Variants in NHEJ1 observed in about 807,000 individuals in gnomAD.
NHEJ1 encodes non-homologous end-joining factor 1.
Under a neutral mutation model 39.4 loss-of-function variants are expected in NHEJ1, and 22 were observed. The observed-to-expected ratio is 0.56, with a 90% CI of 0.40 to 0.80. The LOEUF is 0.80. Ranked by LOEUF, NHEJ1 falls within the 30% of genes least tolerant of loss-of-function variation. NHEJ1 has a pLI of 0.00. For missense variants in NHEJ1, 329 were observed against 357.1 expected, an observed-to-expected ratio of 0.92 and a Z score of 0.63; for synonymous variants, 154 against 135.6, an observed-to-expected ratio of 1.14 and a Z score of -0.94.
At chr2:219,089,976 G>A (rs1949146665) in intron 5 of NHEJ1, among the ~76,000 whole-genome samples, 1 of 152,178 alleles carries the variant, frequency 6.6e-6, no homozygotes, top group African/African-American at 2.4e-5. Flanking sequence ...ACAGGATCTA[G>A]AGTCAGACAG....
intron 5 of NHEJ1, among the ~76,000 whole-genome samples, chr2:219,088,350 C>A (rs1574704902): frequency 6.6e-6 from 1 of 152,012 alleles, no homozygotes; most frequent in East Asian, 1.9e-4. Flanking sequence ...TATTTCGGGC[C>A]AGGTGAGTGG....
rs1438391180 is a variant in NHEJ1 at position 219,094,691 on chromosome 2, T to C, written c.589-16485A>G. Among the ~76,000 whole-genome samples the C allele has an allele frequency of 3.3e-5, 5 of 152,066 alleles. No individual in the cohort carries two copies. The East Asian group carries it at 9.6e-4, about 29-fold the overall frequency. ...ATTTAGCATTTCCTAACTGATAATC[T>C]CTCCACTTCCTTGCAGGAAGTTATA... On this transcript the variant is annotated intron_variant, in intron 5 of 7. Coordinates refer to ENST00000356853, the MANE Select transcript of NHEJ1 (RefSeq NM_024782.3).
At chr2:219,147,833 T>C (rs779859313) in intron 3 of NHEJ1, 38 bp from the exon 4 acceptor site, 21 of 1,609,610 alleles carry the variant, frequency 1.3e-5, no homozygotes, top group African/African-American at 1.2e-4. Flanking sequence ...AAAAGACTCT[T>C]ATAAAGTACT....
At chr2:219,085,882 A>G (rs1204724653) in intron 5 of NHEJ1, among the ~76,000 whole-genome samples, 1 of 152,156 alleles carries the variant, frequency 6.6e-6, no homozygotes, top group East Asian at 1.9e-4. Flanking sequence ...ACGATGCTGG[A>G]CATGCAATGG....
At chr2:219,108,490 G>C (rs1244656207) in intron 5 of NHEJ1, among the ~76,000 whole-genome samples, 2 of 152,108 alleles carry the variant, frequency 1.3e-5, no homozygotes, top group African/African-American at 2.4e-5. Flanking sequence ...CTATTTGTTA[G>C]ATTATCTGTC....
chr2:219,097,675 G>T (rs1402048372), intron 5 of NHEJ1, among the ~76,000 whole-genome samples: 1 of 152,172 alleles, frequency 6.6e-6, no homozygotes, highest in Non-Finnish European at 1.5e-5. Context: ...GGCTTGATGT[G>T]GGGGTTGGGG....
At chr2:219,145,442 C>T (rs1181505843) in intron 5 of NHEJ1, among the ~76,000 whole-genome samples, 3 of 152,156 alleles carry the variant, frequency 2.0e-5, no homozygotes, top group Non-Finnish European at 4.4e-5. Context: ...AGAATACCTG[C>T]TTTATGCCTA....
At chr2:219,117,569 C>G (rs552788184) in intron 5 of NHEJ1, among the ~76,000 whole-genome samples, 1 of 152,338 alleles carries the variant, frequency 6.6e-6, no homozygotes, top group South Asian at 2.1e-4. Flanking sequence ...TTCAGAGAAC[C>G]ATGTGGAAAT....
intron 5 of NHEJ1, among the ~76,000 whole-genome samples, chr2:219,113,192 T>C (rs993991048): frequency 6.6e-6 from 1 of 152,224 alleles, no homozygotes; most frequent in Non-Finnish European, 1.5e-5. Flanking sequence ...TTACAGTTTA[T>C]ATTGTTAAAC....
intron 5 of NHEJ1, among the ~76,000 whole-genome samples, chr2:219,088,406 T>C (rs1481441975): frequency 2.6e-5 from 4 of 152,068 alleles, no homozygotes; most frequent in African/African-American, 4.8e-5. Context: ...GGCAGGAGGA[T>C]TGCTTGAGCC....
chr2:219,103,175 A>G (rs574572069), intron 5 of NHEJ1, among the ~76,000 whole-genome samples: 1,814 of 114,172 alleles, frequency 0.016, 16 homozygotes, highest in Non-Finnish European at 0.022. Context: ...AAAAACGGGA[A>G]AAAAAAAAAA....
chr2:219,089,640 G>T (rs1949143762), intron 5 of NHEJ1, among the ~76,000 whole-genome samples: 1 of 152,148 alleles, frequency 6.6e-6, no homozygotes, highest in South Asian at 2.1e-4. Context: ...TGATGAAAAT[G>T]TTCTGGAATT....
intron 5 of NHEJ1, among the ~76,000 whole-genome samples, chr2:219,138,736 G>C (rs1949661830): frequency 6.6e-6 from 1 of 152,186 alleles, no homozygotes; most frequent in African/African-American, 2.4e-5. Context: ...AAAAGTAGAG[G>C]ATGGTAAGAT....
intron 5 of NHEJ1, among the ~76,000 whole-genome samples, chr2:219,104,029 C>T (rs114322038): frequency 1.5e-3 from 230 of 152,066 alleles, no homozygotes; most frequent in African/African-American, 5.2e-3. Context: ...TTATTCTTAC[C>T]CAAACATTTT....
At chr2:219,136,508 C>T (rs1949630095) in intron 5 of NHEJ1, among the ~76,000 whole-genome samples, 1 of 152,068 alleles carries the variant, frequency 6.6e-6, no homozygotes, top group South Asian at 2.1e-4. Context: ...AGGCTGGTCT[C>T]GAACTCCTGA....
chr2:219,129,122 A>C (rs1185335362), intron 5 of NHEJ1, among the ~76,000 whole-genome samples: 1 of 152,220 alleles, frequency 6.6e-6, no homozygotes, highest in Non-Finnish European at 1.5e-5. Context: ...CTTCAATAGA[A>C]TATTCTGAGC....
chr2:219,073,227 G>A lies in NHEJ1; in HGVS notation c.*3154C>T, dbSNP rs1423108201. Among the ~76,000 whole-genome samples the A allele has an allele frequency of 6.6e-6, 1 of 152,224 alleles. No homozygotes were observed. The highest frequency in any genetic ancestry group is 2.4e-5 in the African/African-American group (1 of 41,548). On this transcript the variant is annotated 3_prime_UTR_variant, in exon 8 of 8. Coordinates refer to ENST00000356853, the MANE Select transcript of NHEJ1 (RefSeq NM_024782.3). ...CATAGAAGCACAGATCTCACTCTTC[G>A]CCACCTTACACCATAGGAATTCGCT...
chr2:219,078,269 C>G, intron 5 of NHEJ1, 63 bp from the exon 6 acceptor site: 1 of 1,355,956 alleles, frequency 7.4e-7, no homozygotes, highest in South Asian at 1.2e-5. Context: ...GATCTAATAC[C>G]CCACATGCAG....
rs1948990249 is a variant in NHEJ1, at chr2:219,074,102, A to G, written c.*2279T>C. On this transcript the variant is annotated 3_prime_UTR_variant, in exon 8 of 8. Transcript: ENST00000356853. ...GGCCTCTGGTAGCAATGTTTCTCTA[A>G]CAACGTATTTAAGCAATACCCCAAT... Among the ~76,000 whole-genome samples the G allele has an allele frequency of 6.6e-6, 1 of 152,236 alleles. No individual in the cohort carries two copies. Among genetic ancestry groups the G allele is most frequent in the Non-Finnish European group, 1.5e-5 (1 of 68,040 alleles).
Sources: gnomAD v4.1 joint callset for allele counts (sites outside exome capture counted in the v4.1 genomes callset) on GRCh38, gnomAD v4.1.1 for gene constraint, MANE v1.5 for transcripts, NCBI Gene and HGNC (gene_info 2026-07-23, HGNC 2026-07-21) for gene names.